Variants in INPP5A observed in about 807,000 individuals in gnomAD.
The protein encoded by INPP5A is 43 kDa inositol polyphosphate 5-phophatase.
A neutral mutation model predicts 65.2 loss-of-function variants in INPP5A; 14 were observed. The observed-to-expected ratio is 0.21, with a 90% CI of 0.14 to 0.34. INPP5A has a LOEUF of 0.34. Among genes scored for constraint, INPP5A ranks in the 10% least tolerant of loss-of-function variants. INPP5A has a pLI of 1.00. For missense variants in INPP5A, 431 were observed against 545.6 expected (o/e 0.79, Z 2.09); for synonymous variants, 207 against 208.3 (o/e 0.99, Z 0.05).
chr10:132,619,020 C>G (rs946567802), intron 2 of INPP5A, among the ~76,000 whole-genome samples: 8 of 152,206 alleles, frequency 5.3e-5, no homozygotes, highest in South Asian at 2.1e-4. Flanking sequence ...GCCCCAGCCC[C>G]TCCCAGATCT....
At chr10:132,548,670 G>A (rs1590820480) in intron 1 of INPP5A, among the ~76,000 whole-genome samples, 1 of 152,196 alleles carries the variant, frequency 6.6e-6, no homozygotes, top group African/African-American at 2.4e-5. Flanking sequence ...CGCCTGCGCC[G>A]AGGGCACTGT....
Position 132,599,875 on chromosome 10 carries a change from G to A in INPP5A, c.76-8040G>A, listed in dbSNP as rs552614148. Among the ~76,000 whole-genome samples the A allele has an allele frequency of 2.7e-3, 408 of 152,328 alleles. 1 individual carries two copies. Among genetic ancestry groups the A allele is most frequent in the African/African-American group, 9.0e-3 (375 of 41,566 alleles). On this transcript the variant is annotated intron_variant, in intron 1 of 15. Transcript: ENST00000368594. ...CTTCCACCCTCTGAAGCCACAGCCCGAGCTGTATGTTGGCCCCTTTTAGCC... is the reference window on the plus strand; with the variant it reads ...CTTCCACCCTCTGAAGCCACAGCCCAAGCTGTATGTTGGCCCCTTTTAGCC...
At chr10:132,748,310 C>T (rs765763787) in intron 9 of INPP5A, among the ~76,000 whole-genome samples, 24 of 152,208 alleles carry the variant, frequency 1.6e-4, no homozygotes, top group Non-Finnish European at 2.1e-4. Context: ...CCTCCTCCAC[C>T]CACACCAGCG....
At chr10:132,761,689 C>T (rs187259977) in intron 11 of INPP5A, among the ~76,000 whole-genome samples, 138 of 152,208 alleles carry the variant, frequency 9.1e-4, no homozygotes, top group African/African-American at 3.1e-3. Flanking sequence ...GGGACCCAGT[C>T]GGTCACTTTG....
intron 1 of INPP5A, among the ~76,000 whole-genome samples, chr10:132,580,658 G>GTTTTATAAAA (rs1247634908): frequency 6.6e-6 from 1 of 152,164 alleles, no homozygotes; most frequent in Non-Finnish European, 1.5e-5. Context: ...ATGTGAGATT[G>GTTTTATAAAA]TTTTATAAAA....
Position 132,551,708 on chromosome 10 carries a change from G to T in INPP5A, c.75+13537G>T, listed in dbSNP as rs2071052405. Among the ~76,000 whole-genome samples, 1 of 152,220 alleles carries T rather than the reference G, an allele frequency of 6.6e-6. No homozygotes were observed. The highest frequency in any genetic ancestry group is 1.5e-5 in the Non-Finnish European group (1 of 68,040). On this transcript the variant is annotated intron_variant, in intron 1 of 15. Coordinates refer to ENST00000368594, the MANE Select transcript of INPP5A (RefSeq NM_005539.5). The surrounding 1 kb of genome is among the most constrained non-coding windows in gnomAD (Gnocchi z 5.3). ...CGTCGTACACAGGTGGAAGGTGGAG[G>T]CCTGGGCCCAGGCTGGAGGGACGTG...
intron 13 of INPP5A, 152 bp downstream of exon 13, chr10:132,777,934 G>A: frequency 1.4e-6 from 2 of 1,470,244 alleles, no homozygotes; most frequent in Non-Finnish European, 9.0e-7. Flanking sequence ...GCCATGAGCT[G>A]CACCCCAGCA....
intron 4 of INPP5A, among the ~76,000 whole-genome samples, chr10:132,657,765 C>A (rs969512997): frequency 1.3e-5 from 2 of 152,256 alleles, no homozygotes; most frequent in South Asian, 2.1e-4. Flanking sequence ...AAGGCAAACG[C>A]GTTTATGATG....
At chr10:132,765,472 A>G (rs1565008147) in intron 11 of INPP5A, among the ~76,000 whole-genome samples, 1 of 152,222 alleles carries the variant, frequency 6.6e-6, no homozygotes, top group East Asian at 1.9e-4. Flanking sequence ...AGGGGCTGCT[A>G]CTGGGGCTGC....
intron 2 of INPP5A, among the ~76,000 whole-genome samples, chr10:132,621,778 G>A (rs1388674136): frequency 6.6e-6 from 1 of 151,072 alleles, no homozygotes; most frequent in African/African-American, 2.4e-5. Flanking sequence ...CGTGAGGGGG[G>A]TATGTCTTTT....
rs1322598064 is a variant in INPP5A, at chr10:132,637,602, C to T, written c.118-8266C>T. Among the ~76,000 whole-genome samples, 1 of 151,972 alleles carries T rather than the reference C, an allele frequency of 6.6e-6. No homozygotes were observed. The highest frequency in any genetic ancestry group is 1.5e-5 in the Non-Finnish European group (1 of 68,016). On this transcript the variant is annotated intron_variant, in intron 2 of 15. Transcript: ENST00000368594. The surrounding 1 kb of genome is among the most constrained non-coding windows in gnomAD (Gnocchi z 4.1). ...CAGTGGATTTTTCTGGTTTTGATGC[C>T]CATGTTGGGGTTTCCTTCCAGTGAC...
intron 1 of INPP5A, among the ~76,000 whole-genome samples, chr10:132,582,827 A>C (rs2492768): frequency 0.25 from 38,121 of 152,222 alleles, 5,545 homozygotes; most frequent in East Asian, 0.5. Context: ...CCAGGTCCAC[A>C]TGCCTCAGTT....
intron 1 of INPP5A, among the ~76,000 whole-genome samples, chr10:132,594,933 C>T (rs945302460): frequency 2.0e-5 from 3 of 152,132 alleles, no homozygotes; most frequent in African/African-American, 4.8e-5. Flanking sequence ...AAGTGGCTTT[C>T]GTTGTTTTCT....
chr10:132,654,423 G>T lies in INPP5A; in HGVS notation c.306+3918G>T, dbSNP rs1418535906. On this transcript the variant is annotated intron_variant, in intron 4 of 15. Coordinates refer to ENST00000368594, the MANE Select transcript of INPP5A (RefSeq NM_005539.5). ...CAGGCGGGCCTGTCCTCCCTGTCTT[G>T]TCACTGAGACTGGGCTGGCAGACCT... Among the ~76,000 whole-genome samples the T allele has an allele frequency of 2.0e-5, 3 of 152,240 alleles. No homozygotes were observed. The East Asian group carries it at 5.8e-4, about 29-fold the overall frequency.
rs1591010820 is a variant in INPP5A, at chr10:132,780,531, G to A, written c.1090-318G>A. Among the ~76,000 whole-genome samples the A allele has an allele frequency of 6.6e-5, 10 of 152,378 alleles. No homozygotes were observed. In the South Asian group the frequency reaches 1.9e-3, roughly 28 times the overall value. The stretch of plus-strand genomic sequence containing the variant: ...CCCCTGAGAGCCCAGGAGCATGTCC[G>A]GGAGAGGGGAGCTTGGGAGCCGGGC... On this transcript the variant is annotated intron_variant, in intron 13 of 15. Transcript: ENST00000368594.
At chr10:132,712,876 G>A (rs538672979) in intron 8 of INPP5A, among the ~76,000 whole-genome samples, 15 of 150,990 alleles carry the variant, frequency 9.9e-5, no homozygotes, top group Admixed American at 4.6e-4. Flanking sequence ...CGATGTGTAG[G>A]CCTGTGTGGG....
chr10:132,737,418 C>T (rs569846110), intron 9 of INPP5A, among the ~76,000 whole-genome samples: 2 of 145,208 alleles, frequency 1.4e-5, no homozygotes, highest in African/African-American at 5.7e-5. Flanking sequence ...CCTCTGCTGC[C>T]GTGGGTTAAT....
chr10:132,585,519 G>A (rs1297325671), intron 1 of INPP5A, among the ~76,000 whole-genome samples: 1 of 152,186 alleles, frequency 6.6e-6, no homozygotes, highest in Non-Finnish European at 1.5e-5. Context: ...TGGTGTATAT[G>A]GGGTTTGGTA....
Position 132,674,860 on chromosome 10 carries a change from C to T in INPP5A, c.307-15532C>T, listed in dbSNP as rs904001327. ...GAGAGTAGTTACCTGCAGAAGATGG[C>T]AGGGCCTCACTCCAAAATCCTAGAG... is the stretch of plus-strand genomic sequence containing the variant. On this transcript the variant is annotated intron_variant, in intron 4 of 15. Transcript: ENST00000368594. The surrounding 1 kb of genome is among the most constrained non-coding windows in gnomAD (Gnocchi z 4.4). Among the ~76,000 whole-genome samples the T allele has an allele frequency of 6.6e-6, 1 of 152,208 alleles. No individual in the cohort carries two copies. The highest frequency in any genetic ancestry group is 1.5e-5 in the Non-Finnish European group (1 of 68,040).
Sources: gnomAD v4.1 joint callset for allele counts (sites outside exome capture counted in the v4.1 genomes callset) on GRCh38, gnomAD v4.1.1 for gene constraint, Gnocchi (gnomAD v3.1) non-coding constraint, MANE v1.5 for transcripts, NCBI Gene and HGNC (gene_info 2026-07-23, HGNC 2026-07-21) for gene names.